The following P3H2 variants were observed in gnomAD, a reference collection of about 807,000 sequenced individuals.
P3H2 encodes the protein prolyl 3-hydroxylase 2.
Under a neutral mutation model 87.0 loss-of-function variants are expected in P3H2, and 80 were observed. That is an observed-to-expected ratio of 0.92 (90% CI 0.77 to 1.11). The LOEUF (loss-of-function observed/expected upper bound fraction) is 1.11, where lower values mean the gene tolerates loss of function less well. Among genes scored for constraint, P3H2 ranks in the 50% least tolerant of loss-of-function variants. The probability of loss-of-function intolerance (pLI) is 0.00; values close to 1 mark genes in which losing one functional copy is unlikely to be tolerated. For synonymous variants in P3H2, 367 were observed against 359.3 expected (o/e 1.02, Z -0.24); for missense variants, 1,001 against 923.9 (o/e 1.08, Z -1.08).
intron 7 of P3H2, chr3:189,983,615 T>C (rs1313922151): frequency 6.5e-6 from 1 of 154,622 alleles, no homozygotes; most frequent in Non-Finnish European, 1.4e-5. Context: ...CTGTTCTTTA[T>C]ATACGTAAAA....
Position 189,974,697 on chromosome 3 carries a change from G to C in P3H2, c.1325-12C>G, listed in dbSNP as rs766833279. On this transcript the variant is annotated splice_polypyrimidine_tract_variant and intron_variant, in intron 8 of 14. Coordinates refer to ENST00000319332, the MANE Select transcript of P3H2 (RefSeq NM_018192.4). The stretch of plus-strand genomic sequence containing the variant: ...GAGTAGAGGACCACCTACAGGAACA[G>C]AGCACATTGTCTTCCCTGTTACCTC... 6 of 1,614,086 alleles carry C rather than the reference G, an allele frequency of 3.7e-6. No homozygotes were observed. In the African/African-American group the frequency reaches 6.7e-5, roughly 18 times the overall value.
chr3:190,049,172 A>G (rs1310418843), intron 1 of P3H2, among the ~76,000 whole-genome samples: 1 of 152,214 alleles, frequency 6.6e-6, no homozygotes, highest in Admixed American at 6.5e-5. Context: ...ACAAAACTGA[A>G]TCTCGAAGGT....
At chr3:189,961,903 A>G (rs538843612) in intron 14 of P3H2, among the ~76,000 whole-genome samples, 2 of 152,376 alleles carry the variant, frequency 1.3e-5, no homozygotes, top group Admixed American at 1.3e-4. Context: ...ATGATGAAAT[A>G]GATTAAATGT....
chr3:190,074,462 G>C (rs1004968926), intron 1 of P3H2, among the ~76,000 whole-genome samples: 2 of 152,094 alleles, frequency 1.3e-5, no homozygotes, highest in Non-Finnish European at 2.9e-5. Flanking sequence ...AGTGAGCCAA[G>C]ATCGCACCAC....
rs1228249707 is a variant in P3H2, at chr3:189,994,283, C to T, written c.634G>A (p.Glu212Lys). 1 of 1,604,888 alleles carries T rather than the reference C, an allele frequency of 6.2e-7. No individual in the cohort carries two copies. Among genetic ancestry groups the T allele is most frequent in the Non-Finnish European group, 8.5e-7 (1 of 1,173,342 alleles). Residue 212 changes from glutamate (E) to lysine (K), a missense_variant and splice_region_variant, in exon 3 of 15, where the codon GAG becomes AAG. Coordinates refer to ENST00000319332, the MANE Select transcript of P3H2 (RefSeq NM_018192.4). The stretch of plus-strand genomic sequence containing the variant: ...TGTTTAACTCCTGCATTGTAACTCT[C>T]CTGTAATGAAACAGACGGGAAAAAA... ...LVDREAKPHM[E>K]SYNAGVKHYE...
At chr3:190,021,693 TC>T (rs1316261929) in intron 1 of P3H2, among the ~76,000 whole-genome samples, 1 of 134,630 alleles carries the variant, frequency 7.4e-6, no homozygotes, top group Non-Finnish European at 1.7e-5. Context: ...CATCCATTCA[TC>T]CATCCTTCCA....
intron 3 of P3H2, 99 bp from the exon 4 acceptor site, chr3:189,989,137 A>T (rs1238067877): frequency 7.4e-7 from 1 of 1,357,526 alleles, no homozygotes. Flanking sequence ...TCACCTCACC[A>T]CACTGGAAGA....
chr3:190,077,256 C>T (rs1275258885), intron 1 of P3H2, among the ~76,000 whole-genome samples: 1 of 152,206 alleles, frequency 6.6e-6, no homozygotes, highest in Admixed American at 6.5e-5. Context: ...AACATTTTCT[C>T]TGCCTAGTCA....
chr3:190,043,190 T>C (rs766373180), intron 1 of P3H2, among the ~76,000 whole-genome samples: 4 of 152,186 alleles, frequency 2.6e-5, no homozygotes. Context: ...TGGAACATCA[T>C]ATACATTTAT....
At chr3:190,046,938 A>C (rs1725825680) in intron 1 of P3H2, among the ~76,000 whole-genome samples, 1 of 152,192 alleles carries the variant, frequency 6.6e-6, no homozygotes. Flanking sequence ...AACAATCAAC[A>C]AAGCAAAGAG....
At position 190,032,196 on chromosome 3, in the gene P3H2, A is replaced by G. The variant is rs937905906; in HGVS notation, c.481-36754T>C. 3.4e-4 allele frequency among the ~76,000 whole-genome samples: 52 copies of G among 152,168 alleles called. 1 individual carries two copies. Among genetic ancestry groups the G allele is most frequent in the African/African-American group, 1.2e-3 (49 of 41,444 alleles). On this transcript the variant is annotated intron_variant, in intron 1 of 14. Transcript: ENST00000319332. ...ATTTGTTATCTCTACAATTCCAGAAATGTTTATGGTAGCAGTGCCTGGTCT... is the reference window on the plus strand; with the variant it reads ...ATTTGTTATCTCTACAATTCCAGAAGTGTTTATGGTAGCAGTGCCTGGTCT...
At chr3:190,082,712 G>C (rs1207057741) in intron 1 of P3H2, among the ~76,000 whole-genome samples, 1 of 152,076 alleles carries the variant, frequency 6.6e-6, no homozygotes, top group Non-Finnish European at 1.5e-5. Context: ...AGGAATAAAT[G>C]AATTTGTGAA....
intron 3 of P3H2, among the ~76,000 whole-genome samples, chr3:189,992,598 A>T (rs1174065226): frequency 6.6e-6 from 1 of 152,218 alleles, no homozygotes; most frequent in Admixed American, 6.5e-5. Context: ...TGTAGACCTT[A>T]AAAGTATAGA....
intron 1 of P3H2, among the ~76,000 whole-genome samples, chr3:190,089,584 T>C (rs1358383987): frequency 6.6e-6 from 1 of 152,258 alleles, no homozygotes; most frequent in East Asian, 1.9e-4. Context: ...CTCTAGAGGG[T>C]GGTCACACAT....
At chr3:190,033,034 G>C (rs1281430767) in intron 1 of P3H2, among the ~76,000 whole-genome samples, 1 of 152,234 alleles carries the variant, frequency 6.6e-6, no homozygotes, top group Non-Finnish European at 1.5e-5. Context: ...ATGGGAGACA[G>C]TGACAGATCC....
intron 13 of P3H2, chr3:189,969,970 C>T: frequency 1.6e-6 from 1 of 636,272 alleles, no homozygotes; most frequent in South Asian, 1.8e-5. Context: ...ATTGTGTATG[C>T]TCTTTGGCTT....
chr3:190,050,031 T>C (rs1725929702), intron 1 of P3H2, among the ~76,000 whole-genome samples: 2 of 152,188 alleles, frequency 1.3e-5, no homozygotes, highest in African/African-American at 2.4e-5. Flanking sequence ...ACTTGCAAAA[T>C]ATCTTACAAG....
At chr3:190,002,600 C>A (rs1026274429) in intron 1 of P3H2, among the ~76,000 whole-genome samples, 1 of 152,022 alleles carries the variant, frequency 6.6e-6, no homozygotes, top group Admixed American at 6.6e-5. Context: ...GGAGTTTCAC[C>A]GTGTTGGCCA....
intron 13 of P3H2, chr3:189,969,253 G>A: frequency 1.2e-6 from 1 of 814,702 alleles, no homozygotes; most frequent in Admixed American, 1.7e-5. Flanking sequence ...AGCCTCTTTA[G>A]TGAGAACCAC....
Sources: allele counts gnomAD v4.1 joint callset (sites outside exome capture counted in the v4.1 genomes callset), GRCh38; gene constraint gnomAD v4.1.1; transcripts MANE v1.5; gene names NCBI Gene and HGNC (gene_info 2026-07-23, HGNC 2026-07-21).